Variants in NBEAL2 observed in about 807,000 individuals in gnomAD.
The protein encoded by NBEAL2 is neurobeachin like 2, also known as neurobeachin-like protein 2.
Under a neutral mutation model 299.8 loss-of-function variants are expected in NBEAL2, and 160 were observed. That is an observed-to-expected ratio of 0.53 (90% CI 0.47 to 0.61). The LOEUF is 0.61. Among genes scored for constraint, NBEAL2 ranks in the 20% least tolerant of loss-of-function variants. NBEAL2 has a pLI of 0.00. For missense variants in NBEAL2, 3,112 were observed against 3,649.0 expected, an observed-to-expected ratio of 0.85 and a Z score of 3.79; for synonymous variants, 1,493 against 1,542.3, an observed-to-expected ratio of 0.97 and a Z score of 0.75.
chr3:46,996,238 G>C, intron 15 of NBEAL2, 33 bp from the exon 16 acceptor site: 1 of 1,600,328 alleles, frequency 6.2e-7, no homozygotes, highest in Non-Finnish European at 8.5e-7. Context: ...GTTCTGCTGT[G>C]ACCTGACCGC....
chr3:46,998,076 T>G lies in NBEAL2; in HGVS notation c.2968T>G (p.Trp990Gly), dbSNP rs745941205. 5 of 1,569,872 alleles carry G rather than the reference T, an allele frequency of 3.2e-6. No individual in the cohort carries two copies. Among genetic ancestry groups the G allele is most frequent in the East Asian group, 4.7e-5 (2 of 42,380 alleles). The stretch of plus-strand genomic sequence containing the variant: ...TCCTGTCTTATCCCAGGTCCCAAGC[T>G]GGGCCATGGACATGAACGTGCTCAT... ...IGALLRKVPS[W>G]AMDMNVLMSA... Residue 990 changes from tryptophan (W) to glycine (G), a missense_variant, in exon 21 of 54, where the codon TGG becomes GGG. Physicochemically the swap from Trp to Gly is radical, Grantham distance 184 (BLOSUM62 -2). This residue lies in a region of NBEAL2 where 2,243 missense variants were observed against 2,538.1 expected (regional missense o/e 0.88). Transcript: ENST00000450053.
chr3:46,998,969 CGCTGGACCTGCT>C lies in NBEAL2; in HGVS notation c.3401_3412del (p.Asp1134_Leu1137del). On this transcript the variant is annotated inframe_deletion, in exon 24 of 54. Transcript: ENST00000450053. ...ACCCTGCATCCCCAGGCGGTGGGTG[CGCTGGACCTGCT>C]GCTGGCCCTGCTGCACGGTTCCCTG... 6.2e-7 allele frequency: 1 copy of C among 1,606,852 alleles called. No homozygotes were observed. The highest frequency in any genetic ancestry group is 8.5e-7 in the Non-Finnish European group (1 of 1,177,004).
intron 48 of NBEAL2, 58 bp from the exon 49 acceptor site, chr3:47,007,758 G>C: frequency 6.2e-7 from 1 of 1,608,092 alleles, no homozygotes; most frequent in Non-Finnish European, 8.5e-7. Context: ...GGGTTCTGAG[G>C]CTGGCCAGGG....
In NBEAL2 at chr3:47,003,068, C is replaced by T. The variant is rs373431273; in HGVS notation, c.5571C>T (p.Leu1857=). Residue 1857 remains leucine (L), a synonymous_variant, in exon 34 of 54, where the codon CTC becomes CTT. Transcript: ENST00000450053. This position sits in a 1 kb window ranked among gnomAD's most constrained non-coding sequence, Gnocchi z 7.0. The part of the protein sequence containing the change: ...HFDPHLEASA[L]RDNLGEVPLT... ...ACCCTCACCTGGAAGCCAGCGCTCTCCGAGACAATCTGGGTGAGGGAGTGT... is the reference window on the plus strand; with the variant it reads ...ACCCTCACCTGGAAGCCAGCGCTCTTCGAGACAATCTGGGTGAGGGAGTGT... 6.8e-6 allele frequency: 11 copies of T among 1,612,296 alleles called. No individual in the cohort carries two copies. The highest frequency in any genetic ancestry group is 2.2e-5 in the South Asian group (2 of 90,864).
chr3:46,985,034 C>G (rs1284685060), intron 1 of NBEAL2, among the ~76,000 whole-genome samples: 1 of 152,176 alleles, frequency 6.6e-6, no homozygotes, highest in Non-Finnish European at 1.5e-5. Context: ...ATGCCCTCAC[C>G]TGATTCGGTT....
In NBEAL2 at chr3:46,999,610, C is replaced by T. The variant is rs2036800702; in HGVS notation, c.3704-20C>T. The T allele has an allele frequency of 1.9e-6, 3 of 1,604,076 alleles. No homozygotes were observed. In the East Asian group the frequency reaches 6.7e-5, roughly 36 times the overall value. ...TCTAGTCTGGTCAGTCCCTCAGGTCCCCCCAACCCATCCCCCCAGATTGCC... is the reference window on the plus strand; with the variant it reads ...TCTAGTCTGGTCAGTCCCTCAGGTCTCCCCAACCCATCCCCCCAGATTGCC... On this transcript the variant is annotated intron_variant, in intron 25 of 53. Coordinates refer to ENST00000450053, the MANE Select transcript of NBEAL2 (RefSeq NM_015175.3).
rs773773829 is a variant in NBEAL2, at chr3:47,007,528, G to A, written c.7338G>A (p.Thr2446=). The A allele has an allele frequency of 3.2e-5, 52 of 1,610,874 alleles. No individual in the cohort carries two copies. Among genetic ancestry groups the A allele is most frequent in the Middle Eastern group, 1.6e-4 (1 of 6,076 alleles). Residue 2446 remains threonine, a synonymous_variant, in exon 48 of 54, where the codon ACG becomes ACA. Transcript: ENST00000450053. ...SKDPTMGSHK[T]QRLLSGPWVP... ...GCTATCCCCCTCACTGGGTCAGGACGCAGCGACTGCTGAGTGGCCCGTGGG... is the reference window on the plus strand; with the variant it reads ...GCTATCCCCCTCACTGGGTCAGGACACAGCGACTGCTGAGTGGCCCGTGGG...
rs2037299167 is a variant in NBEAL2, at chr3:47,004,765, T to G, written c.6294+175T>G. 4 of 960,834 alleles carry G rather than the reference T, an allele frequency of 4.2e-6. No individual in the cohort carries two copies. The highest frequency in any genetic ancestry group is 6.2e-4 in the Middle Eastern group (2 of 3,228). 59.5% of individuals were successfully genotyped at this position (960,834 alleles called of 1,614,324 possible). On this transcript the variant is annotated intron_variant, in intron 38 of 53. Coordinates refer to ENST00000450053, the MANE Select transcript of NBEAL2 (RefSeq NM_015175.3). The surrounding 1 kb of genome is among the most constrained non-coding windows in gnomAD (Gnocchi z 5.0). ...AACCCCCAGAGGTCCCCAGCCTCAC[T>G]CCCTTCCCCTCCCTGCCTAGCCTCT...
chr3:47,005,363 G>A (rs1450673937), intron 40 of NBEAL2, 42 bp downstream of exon 40: 3 of 1,591,646 alleles, frequency 1.9e-6, no homozygotes. Flanking sequence ...GGGCAGATAA[G>A]GGGAGGAGGC....
In NBEAL2 at chr3:47,007,135, C is replaced by T; in HGVS notation, c.7204C>T (p.Gln2402Ter). Residue 2402 changes from glutamine (Q) to a stop codon, truncating the protein, a stop_gained, in exon 46 of 54, where the codon CAG becomes TAG. Coordinates refer to ENST00000450053, the MANE Select transcript of NBEAL2 (RefSeq NM_015175.3). LOFTEE classifies it high-confidence loss of function. ...PHRQPHSFIT[Q>*]GSPDLLVTVS... is the part of the protein sequence containing the mutation. ...CCGGCAGCCCCACTCCTTCATCACC[C>T]AGGGTTCCCCAGACCTGTTGGTAAG... 1 of 1,613,698 alleles carries T rather than the reference C, an allele frequency of 6.2e-7. No homozygotes were observed. Among genetic ancestry groups the T allele is most frequent in the Non-Finnish European group, 8.5e-7 (1 of 1,179,782 alleles).
In NBEAL2 at chr3:46,988,418, G is replaced by A. The variant is rs1007053861; in HGVS notation, c.52-251G>A. 6.6e-6 allele frequency among the ~76,000 whole-genome samples: 1 copy of A among 152,166 alleles called. No individual in the cohort carries two copies. Among genetic ancestry groups the A allele is most frequent in the Admixed American group, 6.5e-5 (1 of 15,286 alleles). On this transcript the variant is annotated intron_variant, in intron 1 of 53. Transcript: ENST00000450053. This position sits in a 1 kb window ranked among gnomAD's most constrained non-coding sequence, Gnocchi z 4.4. ...GTGGGAGCAGAAACTGGGAGGCTGA[G>A]AGAAGCAGTGGGGTGCCTGGAAAAG...
In NBEAL2 at chr3:46,998,185, A is replaced by C. The variant is rs1445920567; in HGVS notation, c.3077A>C (p.Asn1026Thr). ...CTACTCTACCAGCATTTGCTCTTCA[A>C]CTTTCACCTCTGGACCCTCAGTGAC... ...LYLLYQHLLF[N>T]FHLWTLSDFA... Residue 1026 changes from asparagine (N) to threonine (T), a missense_variant, in exon 21 of 54, where the codon AAC (asparagine) becomes ACC (threonine). This residue lies in a region of NBEAL2 where 2,243 missense variants were observed against 2,538.1 expected (regional missense o/e 0.88). Transcript: ENST00000450053. 1 of 1,609,784 alleles carries C rather than the reference A, an allele frequency of 6.2e-7. No homozygotes were observed. The highest frequency in any genetic ancestry group is 1.1e-5 in the South Asian group (1 of 90,178).
chr3:46,997,569 A>T lies in NBEAL2; in HGVS notation c.2833A>T (p.Met945Leu), dbSNP rs778704034. Residue 945 changes from methionine to leucine, a missense_variant, in exon 20 of 54, where the codon ATG (methionine) becomes TTG (leucine). This residue lies in a region of NBEAL2 where 2,243 missense variants were observed against 2,538.1 expected (regional missense o/e 0.88). Transcript: ENST00000450053. ...LPLGKSSEER[M>L]ERNAVAAFLL... ...TTCCTGATGGCTGGCAGAGGAACGG[A>T]TGGAGAGGAACGCAGTGGCTGCTTT... The T allele has an allele frequency of 1.3e-6, 2 of 1,595,966 alleles. No homozygotes were observed. Among genetic ancestry groups the T allele is most frequent in the South Asian group, 2.2e-5 (2 of 89,806 alleles).
Position 46,988,839 on chromosome 3 carries a change from C to T in NBEAL2, c.141-3C>T. ...AGCACCCGTGTCTCCCCTTTCCTTGCAGGCCAGAGGAGGCAGGTGCAGAGG... is the reference window on the plus strand; with the variant it reads ...AGCACCCGTGTCTCCCCTTTCCTTGTAGGCCAGAGGAGGCAGGTGCAGAGG... On this transcript the variant is annotated splice_region_variant and splice_polypyrimidine_tract_variant and intron_variant, in intron 2 of 53. Coordinates refer to ENST00000450053, the MANE Select transcript of NBEAL2 (RefSeq NM_015175.3). This position sits in a 1 kb window ranked among gnomAD's most constrained non-coding sequence, Gnocchi z 4.4. 6.2e-7 allele frequency: 1 copy of T among 1,604,582 alleles called. No individual in the cohort carries two copies. The highest frequency in any genetic ancestry group is 1.1e-5 in the South Asian group (1 of 90,390).
intron 20 of NBEAL2, 112 bp from the exon 21 acceptor site, chr3:46,997,955 G>C: frequency 7.4e-7 from 1 of 1,351,894 alleles, no homozygotes; most frequent in Non-Finnish European, 9.9e-7. Flanking sequence ...TGAGCAGGCT[G>C]GTGGCCATGT....
chr3:46,996,483 C>T lies in NBEAL2; in HGVS notation c.2364C>T (p.Thr788=), dbSNP rs1190750667. 1.3e-6 allele frequency: 2 copies of T among 1,592,526 alleles called. No homozygotes were observed. The highest frequency in any genetic ancestry group is 2.7e-5 in the African/African-American group (2 of 74,542). Residue 788 remains threonine, a synonymous_variant, in exon 16 of 54, where the codon ACC becomes ACT. Transcript: ENST00000450053. ...EGSIDSTLAG[T]QDTRWGSPTS... ...GCATCGACTCTACCCTCGCAGGCAC[C>T]CAGGACACTCGGTGGGGCAGCCCCA...
At chr3:46,999,510 A>T (rs753764164) in intron 25 of NBEAL2, 36 bp downstream of exon 25, 11 of 1,582,232 alleles carry the variant, frequency 7.0e-6, no homozygotes, top group African/African-American at 1.4e-5. Context: ...AGGGGGTGAC[A>T]TGTCAGAAAA....
rs551504181 is a variant in NBEAL2 at position 46,994,011 on chromosome 3, C to T, written c.1188C>T (p.Pro396=). The change falls in exon 11 of 54, where the codon CCC becomes CCT. Residue 396 remains proline, a synonymous_variant. Coordinates refer to ENST00000450053, the MANE Select transcript of NBEAL2 (RefSeq NM_015175.3). ...RVLTCIMSDS[P]SAKEVFKERI... is the part of the protein sequence containing the mutation. The stretch of plus-strand genomic sequence containing the variant: ...TGACCTGCATCATGAGTGACTCCCC[C>T]TCGGCCAAGGTGAGGCTGCTGCACT... The T allele has an allele frequency of 1.1e-5, 17 of 1,610,310 alleles. No individual in the cohort carries two copies. Among genetic ancestry groups the T allele is most frequent in the Middle Eastern group, 1.7e-4 (1 of 6,050 alleles).
At position 47,005,952 on chromosome 3, in the gene NBEAL2, G is replaced by T; in HGVS notation, c.6808G>T (p.Glu2270Ter). 6.2e-7 allele frequency: 1 copy of T among 1,613,662 alleles called. No individual in the cohort carries two copies. The highest frequency in any genetic ancestry group is 8.5e-7 in the Non-Finnish European group (1 of 1,179,876). Residue 2270 changes from glutamate (E) to a stop codon, truncating the protein, a stop_gained, in exon 43 of 54, where the codon GAG (glutamate) becomes TAG (stop). Coordinates refer to ENST00000450053, the MANE Select transcript of NBEAL2 (RefSeq NM_015175.3). LOFTEE classifies it high-confidence loss of function. ...IQQHRQALES[E>*]YVSAHLHEWI... ...GCTGCCTCCCTACTCTCAGGAGTCG[G>T]AGTATGTGTCTGCACACCTACACGA...
Sources: allele counts gnomAD v4.1 joint callset (sites outside exome capture counted in the v4.1 genomes callset), GRCh38; gene constraint gnomAD v4.1.1; regional missense constraint gnomAD v4.1.1; non-coding constraint Gnocchi (gnomAD v3.1); transcripts MANE v1.5; gene names NCBI Gene and HGNC (gene_info 2026-07-23, HGNC 2026-07-21).